IL1RAPL1: variants seen among roughly 807,000 people sequenced by gnomAD.
The protein encoded by IL1RAPL1 is interleukin-1 receptor accessory protein-like 1.
In IL1RAPL1, 3 loss-of-function variants were observed where a neutral mutation model predicts 48.4. The observed-to-expected ratio is 0.06, with a 90% CI of 0.03 to 0.16. IL1RAPL1 has a LOEUF of 0.16. Ranked by LOEUF, IL1RAPL1 falls within the 10% of genes least tolerant of loss-of-function variation. The pLI is 1.00. For missense variants in IL1RAPL1, 349 were observed against 530.6 expected (o/e 0.66, Z 3.36); for synonymous variants, 185 against 187.7 (o/e 0.99, Z 0.12).
At chrX:28,885,882 G>A (rs1464837518) in intron 2 of IL1RAPL1, among the ~76,000 whole-genome samples, 1 of 111,386 alleles carries the variant, frequency 9.0e-6, no homozygotes, top group East Asian at 2.8e-4. Context: ...ATACAAACCA[G>A]TAAGAAAGGA....
chrX:29,246,150 CTTT>C (rs761809643), intron 2 of IL1RAPL1, among the ~76,000 whole-genome samples: 1,936 of 52,000 alleles, frequency 0.037, 82 homozygotes, highest in African/African-American at 0.13. Context: ...TCTCATCGCT[CTTT>C]TTTTTTTTTT....
At chrX:28,656,697 T>C (rs767438313) in intron 1 of IL1RAPL1, among the ~76,000 whole-genome samples, 191 of 111,989 alleles carry the variant, frequency 1.7e-3, no homozygotes, top group African/African-American at 5.6e-3. Flanking sequence ...GTTGTGTACC[T>C]AGCATTGGGC....
At chrX:29,924,188 A>C (rs1302336261) in intron 8 of IL1RAPL1, among the ~76,000 whole-genome samples, 3 of 112,089 alleles carry the variant, frequency 2.7e-5, no homozygotes, top group Non-Finnish European at 5.6e-5. Context: ...GCACCCAAAA[A>C]ATGTTAAGCT....
intron 2 of IL1RAPL1, among the ~76,000 whole-genome samples, chrX:28,925,149 G>A (rs181085059): frequency 5.3e-4 from 59 of 111,314 alleles, no homozygotes; most frequent in Middle Eastern, 4.7e-3. Flanking sequence ...AATTTTTATC[G>A]CATTTTAAGT....
chrX:29,920,956 A>G, intron 8 of IL1RAPL1, among the ~76,000 whole-genome samples: 1 of 110,276 alleles, frequency 9.1e-6, no homozygotes, highest in Middle Eastern at 4.7e-3. Flanking sequence ...TTTTTGACAT[A>G]TTGTTTCTGC....
At chrX:28,995,843 A>G (rs1332977713) in intron 2 of IL1RAPL1, among the ~76,000 whole-genome samples, 3 of 110,643 alleles carry the variant, frequency 2.7e-5, no homozygotes, top group African/African-American at 9.9e-5. Flanking sequence ...GCATCCCCCA[A>G]AAGCTTCCTT....
At chrX:28,962,090 G>A (rs1924793409) in intron 2 of IL1RAPL1, among the ~76,000 whole-genome samples, 1 of 111,559 alleles carries the variant, frequency 9.0e-6, no homozygotes, top group African/African-American at 3.3e-5. Flanking sequence ...CTTAAGAATG[G>A]CATAAGAAGA....
intron 5 of IL1RAPL1, among the ~76,000 whole-genome samples, chrX:29,444,821 C>A (rs944929572): frequency 2.1e-4 from 24 of 111,889 alleles, no homozygotes; most frequent in African/African-American, 7.5e-4. Flanking sequence ...TGATTGTAGT[C>A]TAATTAAGAC....
intron 3 of IL1RAPL1, among the ~76,000 whole-genome samples, chrX:29,377,520 A>C (rs1402501682): frequency 8.9e-6 from 1 of 112,188 alleles, no homozygotes; most frequent in African/African-American, 3.2e-5. Context: ...CATGTTTAGC[A>C]TTCCCTTAAG....
intron 5 of IL1RAPL1, among the ~76,000 whole-genome samples, chrX:29,482,841 T>G (rs1338853546): frequency 1.8e-5 from 2 of 112,172 alleles, no homozygotes; most frequent in East Asian, 5.6e-4. Context: ...TTGTAATATA[T>G]TTTAAATACT....
intron 5 of IL1RAPL1, among the ~76,000 whole-genome samples, chrX:29,459,398 A>G (rs1039982939): frequency 1.8e-5 from 2 of 111,677 alleles, no homozygotes; most frequent in Non-Finnish European, 3.8e-5. Context: ...TTGACAGGCA[A>G]TTATAGACCA....
intron 6 of IL1RAPL1, among the ~76,000 whole-genome samples, chrX:29,671,039 G>A (rs1248903836): frequency 8.9e-6 from 1 of 112,116 alleles, no homozygotes; most frequent in African/African-American, 3.2e-5. Context: ...ACAAAGCTAA[G>A]CTTGTACATG....
chrX:29,100,926 T>A (rs2147463459), intron 2 of IL1RAPL1, among the ~76,000 whole-genome samples: 1 of 111,924 alleles, frequency 8.9e-6, no homozygotes, highest in South Asian at 3.7e-4. Context: ...CAATAGAGAT[T>A]TTATCACATG....
At chrX:28,762,387 C>T (rs913108557) in intron 1 of IL1RAPL1, among the ~76,000 whole-genome samples, 2 of 111,230 alleles carry the variant, frequency 1.8e-5, no homozygotes, top group Non-Finnish European at 3.8e-5. Context: ...TTTTATGACA[C>T]GCATACATCC....
chrX:28,708,561 A>G (rs745780870), intron 1 of IL1RAPL1, among the ~76,000 whole-genome samples: 1 of 112,177 alleles, frequency 8.9e-6, no homozygotes, highest in Non-Finnish European at 1.9e-5. Flanking sequence ...ATAAGTGTTC[A>G]TGAACAAATG....
chrX:29,861,990 C>T (rs909247275), intron 6 of IL1RAPL1, among the ~76,000 whole-genome samples: 6 of 109,749 alleles, frequency 5.5e-5, no homozygotes, highest in African/African-American at 2.0e-4. Flanking sequence ...ATTGCTTGAG[C>T]CCAGAAGTTC....
chrX:29,563,367 C>G (rs1922302297), intron 5 of IL1RAPL1, among the ~76,000 whole-genome samples: 1 of 111,699 alleles, frequency 9.0e-6, no homozygotes, highest in Admixed American at 9.5e-5. Flanking sequence ...TTTTTATTCA[C>G]TTTTATGTTA....
chrX:29,952,957 T>C (rs909436471), intron 9 of IL1RAPL1, among the ~76,000 whole-genome samples: 1 of 111,736 alleles, frequency 8.9e-6, no homozygotes, highest in African/African-American at 3.3e-5. Context: ...GTTATAATCA[T>C]AGAATGATTT....
intron 3 of IL1RAPL1, among the ~76,000 whole-genome samples, chrX:29,298,497 A>G (rs1932482263): frequency 9.0e-6 from 1 of 111,692 alleles, no homozygotes; most frequent in Non-Finnish European, 1.9e-5. Context: ...TTTCACATGT[A>G]CTCTTGTCTA....
Sources: gnomAD v4.1 joint callset for allele counts (sites outside exome capture counted in the v4.1 genomes callset) on GRCh38, gnomAD v4.1.1 for gene constraint, MANE v1.5 for transcripts, NCBI Gene and HGNC (gene_info 2026-07-23, HGNC 2026-07-21) for gene names.